The following STEAP1B variants were observed in gnomAD, a reference collection of about 807,000 sequenced individuals.
STEAP1B encodes STEAP family protein MGC87042.
A neutral mutation model predicts 27.9 loss-of-function variants in STEAP1B; 13 were observed. The observed-to-expected ratio is 0.47, with a 90% CI of 0.30 to 0.74. The LOEUF (loss-of-function observed/expected upper bound fraction) is 0.74, where lower values mean the gene tolerates loss of function less well. Among genes scored for constraint, STEAP1B ranks in the 30% least tolerant of loss-of-function variants. The probability of loss-of-function intolerance (pLI) is 0.06; values close to 1 mark genes in which losing one functional copy is unlikely to be tolerated. For synonymous variants in STEAP1B, 86 were observed against 107.1 expected (o/e 0.80, Z 1.22); for missense variants, 250 against 298.7 (o/e 0.84, Z 1.20).
At chr7:22,489,741 C>T (rs983542716) in intron 4 of STEAP1B, among the ~76,000 whole-genome samples, 2 of 152,132 alleles carry the variant, frequency 1.3e-5, no homozygotes, top group African/African-American at 4.8e-5. Context: ...AAAGGCAATG[C>T]GGGCTCTTTT....
chr7:22,480,823 T>C (rs932509692), intron 4 of STEAP1B, among the ~76,000 whole-genome samples: 3 of 152,168 alleles, frequency 2.0e-5, no homozygotes, highest in African/African-American at 7.2e-5. Flanking sequence ...CACAGACTTC[T>C]AGAAGCAGCA....
chr7:22,478,082 C>G (rs4351336), intron 4 of STEAP1B, among the ~76,000 whole-genome samples: 64,933 of 151,948 alleles, frequency 0.43, 13,959 homozygotes, highest in East Asian at 0.55. Flanking sequence ...GTGGGGTGGG[C>G]GCTCAGGGGA....
At chr7:22,452,489 G>A (rs916838232) in intron 4 of STEAP1B, among the ~76,000 whole-genome samples, 7 of 152,098 alleles carry the variant, frequency 4.6e-5, no homozygotes, top group African/African-American at 1.7e-4. Flanking sequence ...ATGCGGTAAT[G>A]TGCAGATTCT....
intron 4 of STEAP1B, among the ~76,000 whole-genome samples, chr7:22,461,096 C>T (rs1785671444): frequency 1.3e-5 from 2 of 152,126 alleles, no homozygotes; most frequent in African/African-American, 4.8e-5. Flanking sequence ...TTGGATTGCT[C>T]ATACCATCCA....
intron 4 of STEAP1B, among the ~76,000 whole-genome samples, chr7:22,459,145 C>T (rs1418371284): frequency 2.6e-5 from 4 of 152,302 alleles, no homozygotes; most frequent in South Asian, 2.1e-4. Context: ...CTGTTTCCTC[C>T]GAGCTATTTG....
At chr7:22,476,940 G>T (rs1411205002) in intron 4 of STEAP1B, among the ~76,000 whole-genome samples, 1 of 152,158 alleles carries the variant, frequency 6.6e-6, no homozygotes, top group East Asian at 1.9e-4. Context: ...TTTGCTGGCT[G>T]TTGTCCACTC....
chr7:22,452,483 G>T (rs1785507568), intron 4 of STEAP1B, among the ~76,000 whole-genome samples: 1 of 152,082 alleles, frequency 6.6e-6, no homozygotes, highest in South Asian at 2.1e-4. Flanking sequence ...CCGGTAATGC[G>T]GTAATGTGCA....
At chr7:22,429,748 C>T (rs1174739876) in intron 4 of STEAP1B, among the ~76,000 whole-genome samples, 1 of 152,058 alleles carries the variant, frequency 6.6e-6, no homozygotes, top group Non-Finnish European at 1.5e-5. Context: ...TACTGCCAGT[C>T]GTTGAAACTC....
chr7:22,482,670 G>C (rs1353743426), intron 4 of STEAP1B, among the ~76,000 whole-genome samples: 1 of 152,238 alleles, frequency 6.6e-6, no homozygotes, highest in African/African-American at 2.4e-5. Flanking sequence ...GGCAAAGGAA[G>C]TGAGTGGATC....
intron 4 of STEAP1B, among the ~76,000 whole-genome samples, chr7:22,448,510 T>C (rs1785440405): frequency 6.6e-6 from 1 of 152,206 alleles, no homozygotes; most frequent in African/African-American, 2.4e-5. Context: ...GTAGTAATAA[T>C]ATTAGTCAAA....
intron 4 of STEAP1B, among the ~76,000 whole-genome samples, chr7:22,471,155 AGTGG>A (rs927061023): frequency 2.6e-4 from 39 of 152,278 alleles, no homozygotes; most frequent in African/African-American, 8.4e-4. Flanking sequence ...CTCAGGGCCC[AGTGG>A]GTGGGCTGCG....
At chr7:22,481,860 T>G (rs967471297) in intron 4 of STEAP1B, among the ~76,000 whole-genome samples, 1 of 152,234 alleles carries the variant, frequency 6.6e-6, no homozygotes, top group East Asian at 1.9e-4. Context: ...TGAGGTAACA[T>G]TAGCAGCGGT....
At chr7:22,445,915 C>G (rs760857899) in intron 4 of STEAP1B, among the ~76,000 whole-genome samples, 1 of 152,158 alleles carries the variant, frequency 6.6e-6, no homozygotes, top group African/African-American at 2.4e-5. Context: ...GTCTTTCCCC[C>G]TGATGAGTCG....
chr7:22,427,565 T>C (rs1785124765), intron 4 of STEAP1B, among the ~76,000 whole-genome samples: 1 of 152,128 alleles, frequency 6.6e-6, no homozygotes, highest in African/African-American at 2.4e-5. Context: ...GGAGCTACAG[T>C]TGGAGATACA....
intron 4 of STEAP1B, among the ~76,000 whole-genome samples, chr7:22,474,739 A>G (rs1583649163): frequency 6.6e-6 from 1 of 152,180 alleles, no homozygotes; most frequent in East Asian, 1.9e-4. Flanking sequence ...ATGGCTGTGA[A>G]CTTTGTGTGA....
intron 4 of STEAP1B, among the ~76,000 whole-genome samples, chr7:22,439,893 T>G (rs547970331): frequency 1.4e-4 from 21 of 152,294 alleles, no homozygotes; most frequent in South Asian, 2.1e-4. Flanking sequence ...AAAAACCTCA[T>G]GCATCAACAA....
intron 4 of STEAP1B, among the ~76,000 whole-genome samples, chr7:22,478,697 A>C (rs1786015843): frequency 6.6e-6 from 1 of 152,252 alleles, no homozygotes; most frequent in African/African-American, 2.4e-5. Flanking sequence ...GCTTGGACAG[A>C]GTCATCACTG....
chr7:22,481,810 G>A lies in STEAP1B; in HGVS notation c.762+10755C>T, dbSNP rs117409137. On this transcript the variant is annotated intron_variant, in intron 4 of 4. Transcript: ENST00000678116. ...GCCAGAGGATTGTGTTGAAAGACAA[G>A]GAAATGAAACTAAATCATTGCTCTT... 8.9e-4 allele frequency among the ~76,000 whole-genome samples: 135 copies of A among 152,318 alleles called. 2 individuals carry two copies. In the East Asian group the frequency reaches 0.022, roughly 25 times the overall value.
intron 4 of STEAP1B, among the ~76,000 whole-genome samples, chr7:22,470,181 C>T (rs980156466): frequency 6.6e-6 from 1 of 152,076 alleles, no homozygotes; most frequent in African/African-American, 2.4e-5. Flanking sequence ...AGAGAAAATA[C>T]AAAATGAGCC....
Sources: allele counts gnomAD v4.1 joint callset (sites outside exome capture counted in the v4.1 genomes callset), GRCh38; gene constraint gnomAD v4.1.1; transcripts MANE v1.5; gene names NCBI Gene and HGNC (gene_info 2026-07-23, HGNC 2026-07-21).